Variants in CTNNA2 observed in about 807,000 individuals in gnomAD.
The protein encoded by CTNNA2 is catenin alpha-2.
CTNNA2 carries 42 observed loss-of-function variants against 101.0 expected under a neutral mutation model. The ratio of observed to expected loss-of-function variants is 0.42; its 90% CI spans 0.32 to 0.54. CTNNA2 has a LOEUF of 0.54. Ranked by LOEUF, CTNNA2 falls within the 20% of genes least tolerant of loss-of-function variation. The pLI is 0.14. For missense variants in CTNNA2, 871 were observed against 1,223.1 expected (o/e 0.71, Z 4.29); for synonymous variants, 450 against 456.4 (o/e 0.99, Z 0.18).
intron 7 of CTNNA2, among the ~76,000 whole-genome samples, chr2:80,299,973 A>G (rs1676094792): frequency 6.6e-6 from 1 of 152,220 alleles, no homozygotes; most frequent in Non-Finnish European, 1.5e-5. Context: ...TTTGTTTTCT[A>G]AAAAAGGTAT....
intron 1 of CTNNA2, among the ~76,000 whole-genome samples, chr2:79,631,865 C>T (rs1243241243): frequency 6.6e-6 from 1 of 152,134 alleles, no homozygotes; most frequent in Non-Finnish European, 1.5e-5. Flanking sequence ...GTATTGTAAG[C>T]TCTGGATAAA....
intron 4 of CTNNA2, among the ~76,000 whole-genome samples, chr2:79,457,532 C>A (rs1051604557): frequency 6.6e-6 from 1 of 152,058 alleles, no homozygotes; most frequent in Non-Finnish European, 1.5e-5. Context: ...TTATGTTGAA[C>A]TTTATGAGCA....
intron 6 of CTNNA2, among the ~76,000 whole-genome samples, chr2:79,884,724 C>T (rs1460833244): frequency 6.6e-6 from 1 of 151,478 alleles, no homozygotes; most frequent in Non-Finnish European, 1.5e-5. Context: ...ACATTTTCTT[C>T]CCTTTTTCAT....
intron 3 of CTNNA2, among the ~76,000 whole-genome samples, chr2:79,804,136 A>C (rs1676378879): frequency 6.6e-6 from 1 of 152,216 alleles, no homozygotes; most frequent in South Asian, 2.1e-4. Context: ...AATCTCAATA[A>C]TGTTCCCAGA....
At chr2:79,963,173 A>G (rs1189896862) in intron 7 of CTNNA2, among the ~76,000 whole-genome samples, 1 of 152,018 alleles carries the variant, frequency 6.6e-6, no homozygotes, top group Non-Finnish European at 1.5e-5. Flanking sequence ...GATAGGGTCC[A>G]ATTTACTTTT....
chr2:80,487,272 C>T (rs977451890), intron 9 of CTNNA2, among the ~76,000 whole-genome samples: 2 of 136,536 alleles, frequency 1.5e-5, no homozygotes, highest in African/African-American at 6.2e-5. Flanking sequence ...CAGAGCAATA[C>T]TCTGTCTCAA....
intron 3 of CTNNA2, among the ~76,000 whole-genome samples, chr2:79,371,218 G>A (rs972436225): frequency 6.6e-6 from 1 of 152,166 alleles, no homozygotes; most frequent in South Asian, 2.1e-4. Flanking sequence ...GGTGTTTTAA[G>A]TGGTGGCTCT....
Position 79,821,810 on chromosome 2 carries a change from G to C in CTNNA2, c.299-36203G>C, listed in dbSNP as rs995527768. Among the ~76,000 whole-genome samples, 4 of 152,216 alleles carry C rather than the reference G, an allele frequency of 2.6e-5. No homozygotes were observed. The South Asian group carries it at 8.3e-4, about 32-fold the overall frequency. ...AACCTGGTTGGAATGTTTCTTAACT[G>C]GTGTTTATTCTGTACCTACTACACT... On this transcript the variant is annotated intron_variant, in intron 3 of 18. Coordinates refer to ENST00000402739, the MANE Select transcript of CTNNA2 (RefSeq NM_001282597.3).
At chr2:80,597,153 T>A (rs1697056778) in intron 15 of CTNNA2, among the ~76,000 whole-genome samples, 2 of 152,090 alleles carry the variant, frequency 1.3e-5, no homozygotes, top group East Asian at 3.9e-4. Context: ...ATCAGGGATA[T>A]TGGCCTCGAC....
At chr2:79,938,185 T>A (rs1421869768) in intron 7 of CTNNA2, among the ~76,000 whole-genome samples, 1 of 152,206 alleles carries the variant, frequency 6.6e-6, no homozygotes, top group Non-Finnish European at 1.5e-5. Context: ...GAGAACCAGC[T>A]CACTGTCGCC....
chr2:79,265,036 A>C (rs1573005667), intron 2 of CTNNA2, among the ~76,000 whole-genome samples: 1 of 152,276 alleles, frequency 6.6e-6, no homozygotes, highest in Non-Finnish European at 1.5e-5. Flanking sequence ...CTATAATAAT[A>C]AGATAAGGAA....
intron 2 of CTNNA2, among the ~76,000 whole-genome samples, chr2:79,217,330 G>C (rs60570631): frequency 0.52 from 79,011 of 152,104 alleles, 22,297 homozygotes; most frequent in Non-Finnish European, 0.63. Flanking sequence ...CGTGTGAAGA[G>C]ACCACCAAAC....
intron 3 of CTNNA2, chr2:79,776,973 T>C (rs2105176512): frequency 6.6e-6 from 1 of 152,302 alleles, no homozygotes; most frequent in African/African-American, 2.4e-5. Flanking sequence ...AACTCACAAC[T>C]TGATTTATGC....
chr2:79,837,569 C>G (rs1451407848), intron 3 of CTNNA2, among the ~76,000 whole-genome samples: 1 of 152,086 alleles, frequency 6.6e-6, no homozygotes, highest in Admixed American at 6.5e-5. Context: ...CTCAAATGAG[C>G]ATGGCAGAGG....
chr2:79,414,436 C>T lies in CTNNA2; in HGVS notation c.-135+40423C>T, dbSNP rs190857732. Among the ~76,000 whole-genome samples the T allele has an allele frequency of 2.0e-4, 31 of 152,096 alleles. 1 individual carries two copies. The East Asian group carries it at 3.9e-3, about 19-fold the overall frequency. ...AACACTAGCTCAATGAGTTATCAAA[C>T]GCTCATACACACCCTCACAAATAAT... is the stretch of plus-strand genomic sequence containing the variant. On this transcript the variant is annotated intron_variant, in intron 4 of 21. Transcript: ENST00000466387.
At chr2:80,603,992 A>G in intron 15 of CTNNA2, 82 bp from the exon 16 acceptor site, 2 of 1,168,502 alleles carry the variant, frequency 1.7e-6, no homozygotes, top group South Asian at 2.6e-5. Flanking sequence ...ACAACACTAG[A>G]CTCCTGGACA....
intron 3 of CTNNA2, among the ~76,000 whole-genome samples, chr2:79,336,657 C>A (rs1421613542): frequency 1.3e-5 from 2 of 152,158 alleles, no homozygotes; most frequent in Non-Finnish European, 2.9e-5. Flanking sequence ...TCTTCTCTCA[C>A]CTACAGGTGG....
Position 80,370,518 on chromosome 2 carries a change from G to A in CTNNA2, c.1057-22693G>A, listed in dbSNP as rs140306455. Among the ~76,000 whole-genome samples, 1,463 of 152,154 alleles carry A rather than the reference G, an allele frequency of 9.6e-3. 8 individuals carry two copies. Among genetic ancestry groups the A allele is most frequent in the Non-Finnish European group, 0.015 (1,032 of 67,992 alleles). On this transcript the variant is annotated intron_variant, in intron 7 of 18. Coordinates refer to ENST00000402739, the MANE Select transcript of CTNNA2 (RefSeq NM_001282597.3). Reference sequence around the variant, plus strand: ...GTCAATGCTGATTCATTGACAACTAGCCAGAAGACTTTGGTGTGTCACCTT... The same window carrying A: ...GTCAATGCTGATTCATTGACAACTAACCAGAAGACTTTGGTGTGTCACCTT...
Position 80,108,486 on chromosome 2 carries a change from A to T in CTNNA2, c.1056+198689A>T, listed in dbSNP as rs926511591. 3.3e-4 allele frequency among the ~76,000 whole-genome samples: 50 copies of T among 152,264 alleles called. 1 individual carries two copies. Among genetic ancestry groups the T allele is most frequent in the African/African-American group, 1.2e-3 (48 of 41,574 alleles). ...CACCCCTGTCTCCCATGCCTGGCACATGCCACTCCTCCATCCCAGTTGACT... is the reference window on the plus strand; with the variant it reads ...CACCCCTGTCTCCCATGCCTGGCACTTGCCACTCCTCCATCCCAGTTGACT... On this transcript the variant is annotated intron_variant, in intron 7 of 18. Transcript: ENST00000402739.
Sources: gnomAD v4.1 joint callset for allele counts (sites outside exome capture counted in the v4.1 genomes callset) on GRCh38, gnomAD v4.1.1 for gene constraint, MANE v1.5 for transcripts, NCBI Gene and HGNC (gene_info 2026-07-23, HGNC 2026-07-21) for gene names.